ATG16L2: variants seen among roughly 807,000 people sequenced by gnomAD.
ATG16L2 encodes the protein autophagy related 16 like 2.
In ATG16L2, 77 loss-of-function variants were observed where a neutral mutation model predicts 84.7. The observed-to-expected ratio is 0.91, with a 90% CI of 0.76 to 1.10. The LOEUF (loss-of-function observed/expected upper bound fraction) is 1.10, where lower values mean the gene tolerates loss of function less well. Among genes scored for constraint, ATG16L2 ranks in the 50% least tolerant of loss-of-function variants. The pLI is 0.00. For missense variants in ATG16L2, 782 were observed against 817.6 expected (o/e 0.96, Z 0.53); for synonymous variants, 361 against 342.8 (o/e 1.05, Z -0.59).
At chr11:72,842,736 T>C in exon 6 of ATG16L2, 3 of 1,614,010 alleles carry the variant, frequency 1.9e-6, no homozygotes, top group Non-Finnish European at 2.5e-6. Context: ...GAAGCCATCA[T>C]CATCTTGGTT....
At chr11:72,824,573 G>A (rs1023460710) in intron 8 of ATG16L2, 161 bp from the exon 9 acceptor site, 2 of 644,630 alleles carry the variant, frequency 3.1e-6, no homozygotes, top group Admixed American at 4.8e-5. Flanking sequence ...CCAACCCCTG[G>A]GGTCGAGGCT....
chr11:72,817,132 C>T (rs1859743209), intron 2 of ATG16L2, among the ~76,000 whole-genome samples: 1 of 152,210 alleles, frequency 6.6e-6, no homozygotes. Context: ...TTTTCCATTT[C>T]CCTGTTCCTT....
At chr11:72,839,238 G>A (rs764136221) in intron 5 of ATG16L2, among the ~76,000 whole-genome samples, 17 of 152,186 alleles carry the variant, frequency 1.1e-4, no homozygotes, top group Non-Finnish European at 2.4e-4. Flanking sequence ...CAAAAGAGAA[G>A]GCTAGAAAGG....
At chr11:72,816,448 C>T (rs1019579745) in intron 1 of ATG16L2, 12 of 365,252 alleles carry the variant, frequency 3.3e-5, no homozygotes, top group Admixed American at 1.2e-4. Context: ...GGACCCTCAG[C>T]GGGCAGTACC....
chr11:72,832,273 A>G (rs1860622730), downstream of ATG16L2, among the ~76,000 whole-genome samples: 1 of 152,030 alleles, frequency 6.6e-6, no homozygotes, highest in Non-Finnish European at 1.5e-5. Context: ...CTTCCCTTCT[A>G]CTTTATGGGC....
rs1479228565 is a variant in ATG16L2, at chr11:72,837,221, G to A, written c.*22-5396G>A. ...GACCTCAAATAGATCAACAGGTTAA[G>A]AAGTGTAAAAAACAACAACGAAAAA... is the stretch of plus-strand genomic sequence containing the variant. On this transcript the variant is annotated intron_variant, in intron 5 of 5. Coordinates refer to the ATG16L2 transcript ENST00000534905. 2.6e-5 allele frequency: 4 copies of A among 152,258 alleles called. No homozygotes were observed. The East Asian group carries it at 5.8e-4, about 22-fold the overall frequency. The allele number at this position is 152,258 out of a possible 1,614,324, so 9.4% of individuals were successfully genotyped here.
chr11:72,817,720 C>T (rs376089151), intron 2 of ATG16L2, 36 bp from the exon 3 acceptor site: 49 of 1,605,630 alleles, frequency 3.1e-5, no homozygotes, highest in Non-Finnish European at 3.7e-5. Context: ...TTGGGTGAAC[C>T]GGGGGACATT....
intron 5 of ATG16L2, chr11:72,840,794 A>T (rs775353860): frequency 2.2e-4 from 222 of 1,006,236 alleles, no homozygotes; most frequent in Non-Finnish European, 3.2e-4. Context: ...GTAACAACAC[A>T]GGGGCCACGG....
chr11:72,840,385 C>A (rs1344907585), intron 5 of ATG16L2, among the ~76,000 whole-genome samples: 1 of 152,088 alleles, frequency 6.6e-6, no homozygotes, highest in Non-Finnish European at 1.5e-5. Context: ...AAGTTATGAC[C>A]TTGGAGTACA....
At chr11:72,828,336 C>T in intron 14 of ATG16L2, 23 bp from the exon 15 acceptor site, 1 of 1,613,692 alleles carries the variant, frequency 6.2e-7, no homozygotes, top group Non-Finnish European at 8.5e-7. Context: ...TTCCTCATCC[C>T]TGTCTCTGTC....
intron 5 of ATG16L2, among the ~76,000 whole-genome samples, chr11:72,836,398 C>T (rs1321071780): frequency 6.6e-6 from 1 of 152,216 alleles, no homozygotes; most frequent in East Asian, 1.9e-4. Context: ...ACCTTCCTCT[C>T]ACCCCTCCAG....
At position 72,827,001 on chromosome 11, in the gene ATG16L2, G is replaced by C. The variant is rs920724149; in HGVS notation, c.1366+178G>C. On this transcript the variant is annotated intron_variant, in intron 13 of 17. Coordinates refer to ENST00000321297, the MANE Select transcript of ATG16L2 (RefSeq NM_033388.2). Reference sequence around the variant, plus strand: ...ATCCCCCAGTGGTGTTTTCTGTCTGGTTTCTTGGTGACCTCAGGCTGTGGG... The same window carrying C: ...ATCCCCCAGTGGTGTTTTCTGTCTGCTTTCTTGGTGACCTCAGGCTGTGGG... 5 of 900,886 alleles carry C rather than the reference G, an allele frequency of 5.6e-6. No individual in the cohort carries two copies. The African/African-American group carries it at 6.7e-5, about 12-fold the overall frequency. 55.8% of individuals were successfully genotyped at this position (900,886 alleles called of 1,614,324 possible).
rs1433262864 is a variant in ATG16L2 at position 72,826,170 on chromosome 11, C to G, written c.1103-3C>G. The stretch of plus-strand genomic sequence containing the variant: ...CAACTGTCCCTTCCCCTGGTCCTCC[C>G]AGGTCGCCTGGAGGCCAACCAGACC... On this transcript the variant is annotated splice_region_variant and splice_polypyrimidine_tract_variant and intron_variant, in intron 10 of 17. Coordinates refer to ENST00000321297, the MANE Select transcript of ATG16L2 (RefSeq NM_033388.2). 1 of 1,612,412 alleles carries G rather than the reference C, an allele frequency of 6.2e-7. No individual in the cohort carries two copies. Among genetic ancestry groups the G allele is most frequent in the Non-Finnish European group, 8.5e-7 (1 of 1,178,882 alleles).
Position 72,829,566 on chromosome 11 carries a change from A to G in ATG16L2, c.*176A>G. The stretch of plus-strand genomic sequence containing the variant: ...GAAGTATGGGTTGGGGGATTACGCT[A>G]GTTTTTCTTTGTATTTTTATCTCTA... On this transcript the variant is annotated 3_prime_UTR_variant, in exon 18 of 18. Transcript: ENST00000321297. The G allele has an allele frequency of 7.3e-7, 1 of 1,370,186 alleles. No homozygotes were observed. The highest frequency in any genetic ancestry group is 2.7e-4 in the Middle Eastern group (1 of 3,670). 84.9% of individuals were successfully genotyped at this position (1,370,186 alleles called of 1,614,324 possible). A position where few individuals can be genotyped will look rare whatever the true frequency, so the allele number is the denominator to read the frequency against.
intron 14 of ATG16L2, 119 bp from the exon 15 acceptor site, chr11:72,828,240 A>T: frequency 8.7e-7 from 1 of 1,151,816 alleles, no homozygotes; most frequent in Non-Finnish European, 1.2e-6. Context: ...CCAGCGATCC[A>T]GGGCCCTGGG....
At chr11:72,831,439 A>T (rs553787405), downstream of ATG16L2, among the ~76,000 whole-genome samples, 3 of 152,318 alleles carry the variant, frequency 2.0e-5, no homozygotes, top group East Asian at 5.8e-4. Flanking sequence ...CAGGAGGAGG[A>T]GGTTGCAGTG....
At chr11:72,838,278 G>A (rs571630857) in intron 5 of ATG16L2, 79 of 154,030 alleles carry the variant, frequency 5.1e-4, no homozygotes, top group Admixed American at 1.0e-3. Context: ...TCAGTCTGGG[G>A]ACTAACCTTG....
At chr11:72,832,064 C>T (rs755922827), downstream of ATG16L2, among the ~76,000 whole-genome samples, 7 of 152,146 alleles carry the variant, frequency 4.6e-5, no homozygotes, top group Non-Finnish European at 1.0e-4. Flanking sequence ...TGAGCCTGGA[C>T]GGTTAGTATC....
At chr11:72,819,980 C>T (rs957020013) in intron 3 of ATG16L2, among the ~76,000 whole-genome samples, 1 of 152,164 alleles carries the variant, frequency 6.6e-6, no homozygotes, top group African/African-American at 2.4e-5. Context: ...CTCCTGACCT[C>T]GTGATCCACC....
Sources: gnomAD v4.1 joint callset for allele counts (sites outside exome capture counted in the v4.1 genomes callset) on GRCh38, gnomAD v4.1.1 for gene constraint, MANE v1.5 for transcripts, NCBI Gene and HGNC (gene_info 2026-07-23, HGNC 2026-07-21) for gene names.